Variants in SLC9A3 observed in about 807,000 individuals in gnomAD.
SLC9A3 encodes solute carrier family 9 member A3.
A neutral mutation model predicts 86.8 loss-of-function variants in SLC9A3; 37 were observed. The ratio of observed to expected loss-of-function variants is 0.43; its 90% CI spans 0.33 to 0.56. The LOEUF is 0.56. Among genes scored for constraint, SLC9A3 ranks in the 20% least tolerant of loss-of-function variants. The pLI, the probability that SLC9A3 is intolerant of heterozygous loss-of-function variation, is 0.06. For missense variants in SLC9A3, 1,011 were observed against 1,171.9 expected, an observed-to-expected ratio of 0.86 and a Z score of 2.00; for synonymous variants, 581 against 528.3, an observed-to-expected ratio of 1.10 and a Z score of -1.37.
chr5:483,851 C>T lies in SLC9A3; in HGVS notation c.933-369G>A, dbSNP rs112072571. ...TAAAATTTAAATAAATTCTTTGCCC[C>T]ACACTGAATTCCCACCCAGCCTGGG... On this transcript the variant is annotated intron_variant, in intron 5 of 16. Transcript: ENST00000264938. Among the ~76,000 whole-genome samples, 355 of 152,390 alleles carry T rather than the reference C, an allele frequency of 2.3e-3. 4 individuals carry two copies. The highest frequency in any genetic ancestry group is 8.3e-3 in the African/African-American group (346 of 41,602).
At chr5:499,994 C>T (rs915889068) in intron 1 of SLC9A3, among the ~76,000 whole-genome samples, 2 of 152,252 alleles carry the variant, frequency 1.3e-5, no homozygotes, top group African/African-American at 2.4e-5. Flanking sequence ...ACAGCCTCCT[C>T]GGCCCAGAGC....
At chr5:505,113 C>T (rs1370527433) in intron 1 of SLC9A3, among the ~76,000 whole-genome samples, 1 of 147,904 alleles carries the variant, frequency 6.8e-6, no homozygotes, top group African/African-American at 2.5e-5. Flanking sequence ...GAGACCTGGA[C>T]AAATGAGAAA....
intron 1 of SLC9A3, among the ~76,000 whole-genome samples, chr5:515,123 A>G (rs1032887142): frequency 3.3e-5 from 5 of 149,472 alleles, no homozygotes; most frequent in African/African-American, 1.2e-4. Flanking sequence ...TCGGCCCCCC[A>G]CTCCTCACCC....
In SLC9A3 at chr5:482,767, G is replaced by A. The variant is rs147476976; in HGVS notation, c.1154-17C>T. ...GGACCACACCTGCGGATGATGGGGCGGGCACTCAGCTCCCCGGCCGCCCTC... is the reference window on the plus strand; with the variant it reads ...GGACCACACCTGCGGATGATGGGGCAGGCACTCAGCTCCCCGGCCGCCCTC... On this transcript the variant is annotated splice_polypyrimidine_tract_variant and intron_variant, in intron 6 of 16. Coordinates refer to ENST00000264938, the MANE Select transcript of SLC9A3 (RefSeq NM_004174.4). 1,396 of 1,578,110 alleles carry A rather than the reference G, an allele frequency of 8.8e-4. 2 individuals carry two copies. Among genetic ancestry groups the A allele is most frequent in the Non-Finnish European group, 1.0e-3 (1,210 of 1,161,670 alleles).
At chr5:488,199 A>T in intron 3 of SLC9A3, 117 bp downstream of exon 3, 1 of 1,152,044 alleles carries the variant, frequency 8.7e-7, no homozygotes, top group Non-Finnish European at 1.3e-6. Context: ...CGCCCCCGGG[A>T]GGGGAGTTTG....
intron 16 of SLC9A3, among the ~76,000 whole-genome samples, chr5:473,716 C>T (rs1413395568): frequency 1.3e-5 from 2 of 152,190 alleles, no homozygotes; most frequent in Admixed American, 1.3e-4. Context: ...CCATCTCAAA[C>T]CGCCCTGGCG....
intron 1 of SLC9A3, among the ~76,000 whole-genome samples, chr5:512,585 G>C (rs902829859): frequency 1.3e-5 from 2 of 152,218 alleles, no homozygotes; most frequent in Admixed American, 6.5e-5. Flanking sequence ...AGGGGGAGTG[G>C]GGGGTGGAAC....
chr5:473,282 C>G lies in SLC9A3; in HGVS notation c.*97G>C. On this transcript the variant is annotated 3_prime_UTR_variant, in exon 17 of 17. Coordinates refer to ENST00000264938, the MANE Select transcript of SLC9A3 (RefSeq NM_004174.4). ...TCGGGGCTCGCGGTCGCTGTAGCCGCGCGGGGATCTGGGGTTTCTCTGGGA... is the reference window on the plus strand; with the variant it reads ...TCGGGGCTCGCGGTCGCTGTAGCCGGGCGGGGATCTGGGGTTTCTCTGGGA... 9.6e-6 allele frequency: 12 copies of G among 1,253,834 alleles called. No individual in the cohort carries two copies. Among genetic ancestry groups the G allele is most frequent in the Non-Finnish European group, 1.2e-5 (12 of 982,236 alleles). 77.7% of individuals were successfully genotyped at this position (1,253,834 alleles called of 1,614,324 possible).
At chr5:475,187 G>T in intron 15 of SLC9A3, 55 bp from the exon 16 acceptor site, 2 of 1,516,102 alleles carry the variant, frequency 1.3e-6, no homozygotes, top group Non-Finnish European at 1.8e-6. Context: ...GGCGGCAGGG[G>T]AGACCTCGCC....
intron 1 of SLC9A3, among the ~76,000 whole-genome samples, chr5:507,906 G>A (rs34834059): frequency 0.095 from 6,388 of 67,572 alleles, 308 homozygotes; most frequent in African/African-American, 0.15. Flanking sequence ...CCCCACAGAC[G>A]CCCGAATCCC....
Position 483,455 on chromosome 5 carries a change from C to G in SLC9A3, c.960G>C (p.Gln320His). 6.3e-7 allele frequency: 1 copy of G among 1,583,738 alleles called. No individual in the cohort carries two copies. Among genetic ancestry groups the G allele is most frequent in the Non-Finnish European group, 8.6e-7 (1 of 1,165,178 alleles). ...LAITFCGICC[Q>H]KYVKANISEQ... ...CCGAGATGTTGGCCTTCACATACTT[C>G]TGACAGCAGATGCCACAGAAGGTGA... Residue 320 changes from glutamine (Q) to histidine (H), a missense_variant, in exon 6 of 17, where the codon CAG (glutamine) becomes CAC (histidine). Gln to His is a conservative substitution (Grantham distance 24, BLOSUM62 0). Coordinates refer to ENST00000264938, the MANE Select transcript of SLC9A3 (RefSeq NM_004174.4).
In SLC9A3 at chr5:473,285, G is replaced by A. The variant is rs1308467782; in HGVS notation, c.*94C>T. The A allele has an allele frequency of 1.0e-5, 13 of 1,260,510 alleles. No individual in the cohort carries two copies. In the Admixed American group the frequency reaches 2.3e-4, roughly 22 times the overall value. The allele number at this position is 1,260,510 out of a possible 1,614,324, so 78.1% of individuals were successfully genotyped here. A position where few individuals can be genotyped will look rare whatever the true frequency, so the allele number is the denominator to read the frequency against. ...GGGCTCGCGGTCGCTGTAGCCGCGC[G>A]GGGATCTGGGGTTTCTCTGGGACAG... is the stretch of plus-strand genomic sequence containing the variant. On this transcript the variant is annotated 3_prime_UTR_variant, in exon 17 of 17. Transcript: ENST00000264938.
chr5:507,289 T>TC (rs1740639090), intron 1 of SLC9A3, among the ~76,000 whole-genome samples: 1 of 140,740 alleles, frequency 7.1e-6, no homozygotes, highest in South Asian at 2.4e-4. Context: ...TGCCTCAGCC[T>TC]CCCGAGTAGC....
intron 1 of SLC9A3, among the ~76,000 whole-genome samples, chr5:510,550 C>G (rs1228418285): frequency 1.3e-5 from 2 of 152,210 alleles, no homozygotes; most frequent in African/African-American, 4.8e-5. Flanking sequence ...TCTGACAAAG[C>G]TAACAGAGGA....
chr5:506,753 G>A (rs1206026480), intron 1 of SLC9A3, among the ~76,000 whole-genome samples: 1 of 152,190 alleles, frequency 6.6e-6, no homozygotes, highest in Non-Finnish European at 1.5e-5. Context: ...GATAAAACGT[G>A]TTATTTATTA....
In SLC9A3 at chr5:491,821, G is replaced by A. The variant is rs137949901; in HGVS notation, c.462C>T (p.Asn154=). 3,072 of 1,593,296 alleles carry A rather than the reference G, an allele frequency of 1.9e-3. 5 individuals are homozygous for A. The highest frequency in any genetic ancestry group is 0.012 in the Middle Eastern group (70 of 6,036). The change falls in exon 2 of 17, where the codon AAC becomes AAT. Residue 154 remains asparagine, a synonymous_variant. Coordinates refer to ENST00000264938, the MANE Select transcript of SLC9A3 (RefSeq NM_004174.4). The surrounding 1 kb of genome is among the most constrained non-coding windows in gnomAD (Gnocchi z 9.2). ...AGAGGGACAGCCCGGTGGTGGCCGC[G>A]TTCCACACGGTACCCACGACGGCGT... is the stretch of plus-strand genomic sequence containing the variant. The part of the protein sequence containing the change: ...LLYAVVGTVW[N]AATTGLSLYG...
rs57455234 is a variant in SLC9A3, at chr5:485,019, G to A, written c.754+134C>T. The A allele has an allele frequency of 4.3e-3, 3,128 of 721,958 alleles. 49 individuals carry two copies. Among genetic ancestry groups the A allele is most frequent in the African/African-American group, 0.039 (2,229 of 57,638 alleles). The allele number at this position is 721,958 out of a possible 1,614,324, so 44.7% of individuals were successfully genotyped here. On this transcript the variant is annotated intron_variant, in intron 4 of 16. Coordinates refer to ENST00000264938, the MANE Select transcript of SLC9A3 (RefSeq NM_004174.4). The stretch of plus-strand genomic sequence containing the variant: ...TGTGTGAATCGCTCTGGACGGGGAC[G>A]TGACGTGGACAGAAGGGCCCAGTGT...
intron 1 of SLC9A3, among the ~76,000 whole-genome samples, chr5:498,695 C>G (rs556337574): frequency 1.4e-4 from 21 of 152,090 alleles, no homozygotes; most frequent in Middle Eastern, 3.4e-3. Flanking sequence ...AGCCACCGTG[C>G]CTGGCCAACC....
At chr5:513,068 G>A (rs1040806921) in intron 1 of SLC9A3, among the ~76,000 whole-genome samples, 3 of 152,240 alleles carry the variant, frequency 2.0e-5, no homozygotes, top group South Asian at 2.1e-4. Context: ...CTCCTGCAGC[G>A]ATACTGAGAC....
Sources: allele counts gnomAD v4.1 joint callset (sites outside exome capture counted in the v4.1 genomes callset), GRCh38; gene constraint gnomAD v4.1.1; non-coding constraint Gnocchi (gnomAD v3.1); transcripts MANE v1.5; gene names NCBI Gene and HGNC (gene_info 2026-07-23, HGNC 2026-07-21).